Variants in GLYATL2 observed in about 807,000 individuals in gnomAD.
The protein encoded by GLYATL2 is glycine N-acyltransferase-like protein 2.
Under a neutral mutation model 21.4 loss-of-function variants are expected in GLYATL2, and 25 were observed. The observed-to-expected ratio is 1.17, with a 90% CI of 0.85 to 1.63. The LOEUF is 1.63. Ranked by LOEUF, GLYATL2 falls within the 40% of genes most tolerant of loss-of-function variation. The pLI is 0.00. For synonymous variants in GLYATL2, 114 were observed against 118.2 expected (o/e 0.96, Z 0.23); for missense variants, 361 against 343.3 (o/e 1.05, Z -0.41).
intron 1 of GLYATL2, among the ~76,000 whole-genome samples, chr11:58,898,760 G>A (rs377061670): frequency 3.3e-5 from 5 of 152,030 alleles, no homozygotes; most frequent in African/African-American, 1.2e-4. Flanking sequence ...GTGAACCTGG[G>A]AGGTGGAGCT....
chr11:58,879,427 G>A (rs531766670), intron 1 of GLYATL2, among the ~76,000 whole-genome samples: 84 of 152,212 alleles, frequency 5.5e-4, no homozygotes, highest in African/African-American at 2.0e-3. Context: ...AATTGTCTGT[G>A]TGCAACTCAT....
At chr11:58,871,005 A>G (rs1422278772) in intron 1 of GLYATL2, among the ~76,000 whole-genome samples, 2 of 152,236 alleles carry the variant, frequency 1.3e-5, no homozygotes, top group Non-Finnish European at 2.9e-5. Context: ...AAAGATACTT[A>G]AGAATAACTC....
chr11:58,855,038 A>G lies in GLYATL2; in HGVS notation n.61-16670T>C, dbSNP rs544874050. Among the ~76,000 whole-genome samples the G allele has an allele frequency of 2.0e-5, 3 of 152,302 alleles. No individual in the cohort carries two copies. The South Asian group carries it at 6.2e-4, about 32-fold the overall frequency. Reference sequence around the variant, plus strand: ...TCCATTTAAATCTTGAACACTTCAAAGTTATCTGCAAGGATTGGAATCACC... The same window carrying G: ...TCCATTTAAATCTTGAACACTTCAAGGTTATCTGCAAGGATTGGAATCACC... On this transcript the variant is annotated intron_variant and non_coding_transcript_variant, in intron 1 of 4. Coordinates refer to the GLYATL2 transcript ENST00000533636.
At chr11:58,880,899 C>T (rs1854321071) in intron 1 of GLYATL2, among the ~76,000 whole-genome samples, 1 of 152,180 alleles carries the variant, frequency 6.6e-6, no homozygotes, top group Non-Finnish European at 1.5e-5. Flanking sequence ...TTGCCTATTA[C>T]TTAAGACATA....
In GLYATL2 at chr11:58,853,252, T is replaced by C. The variant is rs181090776; in HGVS notation, n.61-14884A>G. 4.6e-3 allele frequency among the ~76,000 whole-genome samples: 704 copies of C among 152,334 alleles called. 6 individuals are homozygous for C. Among genetic ancestry groups the C allele is most frequent in the African/African-American group, 0.016 (669 of 41,580 alleles). On this transcript the variant is annotated intron_variant and non_coding_transcript_variant, in intron 1 of 4. Transcript: ENST00000533636. ...AAACACAATTGACCCTTGAACAACA[T>C]AGGTGTGAACTGCATGGGTCCACTT...
intron 1 of GLYATL2, among the ~76,000 whole-genome samples, chr11:58,855,421 T>C (rs1364981633): frequency 6.6e-6 from 1 of 152,232 alleles, no homozygotes; most frequent in East Asian, 1.9e-4. Flanking sequence ...TAGGTCTCAA[T>C]TGTAGGCTTA....
At chr11:58,893,202 G>T (rs1008948267) in intron 1 of GLYATL2, 5 of 325,816 alleles carry the variant, frequency 1.5e-5, no homozygotes, top group Non-Finnish European at 3.0e-5. Context: ...AGGGGGCCCT[G>T]GTCTCATGGA....
At chr11:58,890,100 T>C (rs192868739) in intron 1 of GLYATL2, among the ~76,000 whole-genome samples, 3 of 152,236 alleles carry the variant, frequency 2.0e-5, no homozygotes, top group African/African-American at 7.2e-5. Flanking sequence ...CCAGCCCCTT[T>C]CCCTCCACCC....
At chr11:58,888,517 T>G (rs1008449791) in intron 1 of GLYATL2, among the ~76,000 whole-genome samples, 1 of 152,028 alleles carries the variant, frequency 6.6e-6, no homozygotes, top group Non-Finnish European at 1.5e-5. Context: ...TCTTTTATAC[T>G]TTTCTTCCTT....
intron 1 of GLYATL2, chr11:58,878,388 T>G: frequency 1.6e-6 from 1 of 628,186 alleles, no homozygotes. Context: ...ATAGGTAAGC[T>G]CCCTCTCGCA....
intron 1 of GLYATL2, among the ~76,000 whole-genome samples, chr11:58,874,226 T>G (rs960292363): frequency 2.0e-5 from 3 of 152,162 alleles, no homozygotes; most frequent in African/African-American, 7.2e-5. Flanking sequence ...TTTGTTGACC[T>G]TTTCAAAAAA....
chr11:58,870,116 T>A (rs111922195), intron 1 of GLYATL2, among the ~76,000 whole-genome samples: 2 of 151,420 alleles, frequency 1.3e-5, no homozygotes, highest in African/African-American at 4.9e-5. Flanking sequence ...AAAAAAAAAA[T>A]TACAGGCAGA....
intron 1 of GLYATL2, among the ~76,000 whole-genome samples, chr11:58,898,524 C>G (rs1854673141): frequency 6.7e-6 from 1 of 150,188 alleles, no homozygotes; most frequent in Admixed American, 6.7e-5. Flanking sequence ...ATCTCTGTTC[C>G]TATTTGATTA....
At chr11:58,843,649 A>G (rs1051216881) in intron 1 of GLYATL2, among the ~76,000 whole-genome samples, 1 of 152,216 alleles carries the variant, frequency 6.6e-6, no homozygotes, top group African/African-American at 2.4e-5. Flanking sequence ...GAGACCAATA[A>G]AGTAAGAAAA....
intron 1 of GLYATL2, chr11:58,840,826 G>A (rs1432240943): frequency 8.3e-6 from 1 of 119,876 alleles, no homozygotes; most frequent in Non-Finnish European, 1.8e-5. Flanking sequence ...GTGACAGTGT[G>A]AGACTCTATC....
intron 1 of GLYATL2, among the ~76,000 whole-genome samples, chr11:58,858,468 TA>T (rs5792132): frequency 0.016 from 2,456 of 151,062 alleles, 65 homozygotes; most frequent in African/African-American, 0.052. Flanking sequence ...TGGGCTTTTT[TA>T]AAAAAAAAAA....
At chr11:58,875,804 T>C (rs759314141) in intron 1 of GLYATL2, among the ~76,000 whole-genome samples, 8 of 152,226 alleles carry the variant, frequency 5.3e-5, no homozygotes, top group Admixed American at 5.2e-4. Context: ...ATTTGTGGCA[T>C]TCTCTGTATT....
intron 1 of GLYATL2, among the ~76,000 whole-genome samples, chr11:58,859,312 T>C (rs1853889738): frequency 9.1e-6 from 1 of 110,096 alleles, no homozygotes; most frequent in Non-Finnish European, 2.0e-5. Context: ...TGTCCACATA[T>C]TGTAGCATTC....
intron 1 of GLYATL2, among the ~76,000 whole-genome samples, chr11:58,887,349 G>C (rs1854460798): frequency 1.3e-5 from 2 of 152,110 alleles, no homozygotes; most frequent in Admixed American, 6.5e-5. Flanking sequence ...AGTATTGAAA[G>C]TCAATTCAAT....
Sources: allele counts gnomAD v4.1 joint callset (sites outside exome capture counted in the v4.1 genomes callset), GRCh38; gene constraint gnomAD v4.1.1; transcripts MANE v1.5; gene names NCBI Gene and HGNC (gene_info 2026-07-23, HGNC 2026-07-21).